PLA2R1: variants seen among roughly 807,000 people sequenced by gnomAD.
The protein encoded by PLA2R1 is secretory phospholipase A2 receptor.
PLA2R1 carries 158 observed loss-of-function variants against 195.9 expected under a neutral mutation model. The observed-to-expected ratio is 0.81, with a 90% CI of 0.71 to 0.92. PLA2R1 has a LOEUF of 0.92. Among genes scored for constraint, PLA2R1 ranks in the 40% least tolerant of loss-of-function variants. PLA2R1 has a pLI of 0.00. For missense variants in PLA2R1, 1,626 were observed against 1,764.6 expected, an observed-to-expected ratio of 0.92 and a Z score of 1.41; for synonymous variants, 586 against 598.2, an observed-to-expected ratio of 0.98 and a Z score of 0.30.
chr2:160,061,302 T>A (rs1695934923), intron 1 of PLA2R1, among the ~76,000 whole-genome samples: 1 of 152,194 alleles, frequency 6.6e-6, no homozygotes, highest in African/African-American at 2.4e-5. Flanking sequence ...TGCGGGCCCC[T>A]GCAGGCCAGA....
intron 9 of PLA2R1, among the ~76,000 whole-genome samples, chr2:160,015,727 G>A (rs974613146): frequency 2.6e-5 from 4 of 152,058 alleles, no homozygotes; most frequent in South Asian, 2.1e-4. Context: ...TGTCAGCTAC[G>A]GCATATCTAC....
chr2:159,953,668 C>T (rs1460367791), intron 23 of PLA2R1, among the ~76,000 whole-genome samples: 2 of 152,168 alleles, frequency 1.3e-5, no homozygotes, highest in East Asian at 3.8e-4. Flanking sequence ...TCTCAATCAC[C>T]ACTATTCTGT....
At chr2:160,001,736 C>T (rs1162831962) in intron 11 of PLA2R1, among the ~76,000 whole-genome samples, 2 of 151,826 alleles carry the variant, frequency 1.3e-5, no homozygotes, top group Non-Finnish European at 2.9e-5. Context: ...TACTACTATA[C>T]CGATTTTGAC....
chr2:160,055,593 C>T (rs1472000775), intron 1 of PLA2R1, among the ~76,000 whole-genome samples: 1 of 152,204 alleles, frequency 6.6e-6, no homozygotes, highest in African/African-American at 2.4e-5. Context: ...CAGCAGGATA[C>T]AGAATGAACC....
the PLA2R1 span, among the ~76,000 whole-genome samples, chr2:159,924,725 G>T: frequency 1.2e-4 from 12 of 96,874 alleles, no homozygotes; most frequent in Non-Finnish European, 2.2e-4. Context: ...TTTACTCTGG[G>T]GGCTGGGGGG....
chr2:159,962,361 G>A (rs191534290), intron 20 of PLA2R1, among the ~76,000 whole-genome samples: 15 of 152,180 alleles, frequency 9.9e-5, no homozygotes, highest in African/African-American at 3.1e-4. Context: ...TTAGAATGGC[G>A]ATCATTAAAA....
intron 20 of PLA2R1, 103 bp downstream of exon 20, chr2:159,967,436 G>T: frequency 1.1e-6 from 1 of 940,598 alleles, no homozygotes; most frequent in Non-Finnish European, 1.6e-6. Flanking sequence ...CAGGTCCTAT[G>T]GACAACTCAC....
At chr2:159,980,037 T>C (rs1689840700) in intron 13 of PLA2R1, 123 bp from the exon 14 acceptor site, 1 of 460,340 alleles carries the variant, frequency 2.2e-6, no homozygotes, top group African/African-American at 2.0e-5. Flanking sequence ...ATTGTGCACA[T>C]GTACCCTAAA....
In PLA2R1 at chr2:159,933,008, T is replaced by C. The variant is rs1170784943; in HGVS notation, c.*8770A>G. Reference sequence around the variant, plus strand: ...GCATAGATCATGATGTCTTTTTTTTTTTTTGAAGAAAAAAGATGGTATTGC... The same window carrying C: ...GCATAGATCATGATGTCTTTTTTTTCTTTTGAAGAAAAAAGATGGTATTGC... On this transcript the variant is annotated 3_prime_UTR_variant, in exon 30 of 30. Transcript: ENST00000283243. 6.6e-6 allele frequency: 1 copy of C among 152,022 alleles called. No individual in the cohort carries two copies. Among genetic ancestry groups the C allele is most frequent in the African/African-American group, 2.4e-5 (1 of 41,430 alleles). 9.4% of individuals were successfully genotyped at this position (152,022 alleles called of 1,614,324 possible). A position where few individuals can be genotyped will look rare whatever the true frequency, so the allele number is the denominator to read the frequency against.
chr2:160,036,896 A>AG (rs200942289), intron 3 of PLA2R1, among the ~76,000 whole-genome samples: 1 of 126,804 alleles, frequency 7.9e-6, no homozygotes, highest in Non-Finnish European at 2.0e-5. Context: ...GAAAAATGGA[A>AG]CGGGGGAGGT....
rs181596703 is a variant in PLA2R1 at position 159,959,501 on chromosome 2, T to C, written c.2905-2874A>G. 2.6e-5 allele frequency among the ~76,000 whole-genome samples: 4 copies of C among 152,316 alleles called. No individual in the cohort carries two copies. The East Asian group carries it at 7.7e-4, about 29-fold the overall frequency. On this transcript the variant is annotated intron_variant, in intron 20 of 29. Transcript: ENST00000283243. ...GAAGTACAGCATCCTTAATTTAAAA[T>C]TGTTTACTTACTAATTTGCAAAATG... is the stretch of plus-strand genomic sequence containing the variant.
At chr2:160,017,508 C>T (rs1011259361) in intron 8 of PLA2R1, among the ~76,000 whole-genome samples, 1 of 152,138 alleles carries the variant, frequency 6.6e-6, no homozygotes, top group Non-Finnish European at 1.5e-5. Context: ...CCATGAAACA[C>T]CCTAGGTAAT....
At chr2:159,953,785 G>A (rs1258681141) in intron 23 of PLA2R1, among the ~76,000 whole-genome samples, 1 of 152,214 alleles carries the variant, frequency 6.6e-6, no homozygotes, top group Non-Finnish European at 1.5e-5. Context: ...TAGTGGAATA[G>A]AATCATTGTG....
At chr2:159,982,884 C>T (rs1409931350) in intron 13 of PLA2R1, among the ~76,000 whole-genome samples, 7 of 152,092 alleles carry the variant, frequency 4.6e-5, no homozygotes, top group Admixed American at 4.6e-4. Context: ...TATACAGAGT[C>T]ATGGAGGTGT....
Position 159,936,436 on chromosome 2 carries a change from T to C in PLA2R1, c.*5342A>G, listed in dbSNP as rs976746083. 2 of 152,182 alleles carry C rather than the reference T, an allele frequency of 1.3e-5. No individual in the cohort carries two copies. Among genetic ancestry groups the C allele is most frequent in the African/African-American group, 2.4e-5 (1 of 41,444 alleles). The allele number at this position is 152,182 out of a possible 1,614,324, so 9.4% of individuals were successfully genotyped here. A position where few individuals can be genotyped will look rare whatever the true frequency, so the allele number is the denominator to read the frequency against. ...ATAGCAAATGGATCTGTTAATGAAA[T>C]GGATATATCATAGATAAAAATTAAT... On this transcript the variant is annotated 3_prime_UTR_variant, in exon 30 of 30. Coordinates refer to ENST00000283243, the MANE Select transcript of PLA2R1 (RefSeq NM_007366.5).
Position 159,944,961 on chromosome 2 carries a change from T to G in PLA2R1, c.4089A>C (p.Leu1363Phe). The G allele has an allele frequency of 1.2e-6, 2 of 1,613,386 alleles. No homozygotes were observed. ...HCVALRIPEG[L>F]WQLSPCQEKK... ...TTTCTTGACACGGGGATAGCTGCCA[T>G]AATCCTTCAGGGATCCTCAAGGCAA... The change falls in exon 28 of 30, where the codon TTA (leucine) becomes TTC (phenylalanine). Residue 1363 changes from leucine to phenylalanine, a missense_variant. Coordinates refer to ENST00000283243, the MANE Select transcript of PLA2R1 (RefSeq NM_007366.5).
At chr2:159,995,092 G>A (rs572144555) in intron 11 of PLA2R1, among the ~76,000 whole-genome samples, 4 of 152,188 alleles carry the variant, frequency 2.6e-5, no homozygotes, top group Non-Finnish European at 5.9e-5. Context: ...CCAAGCTAAT[G>A]GATTCTTTTG....
chr2:159,964,400 G>T (rs112535443), intron 20 of PLA2R1, among the ~76,000 whole-genome samples: 3 of 152,208 alleles, frequency 2.0e-5, no homozygotes, highest in African/African-American at 7.2e-5. Context: ...ACATTATTTA[G>T]GACCATAAAG....
the PLA2R1 span, among the ~76,000 whole-genome samples, chr2:159,926,233 T>A: frequency 6.6e-6 from 1 of 152,202 alleles, no homozygotes; most frequent in Non-Finnish European, 1.5e-5. Flanking sequence ...GTATTATAAA[T>A]CAAATTCAAG....
Sources: gnomAD v4.1 joint callset for allele counts (sites outside exome capture counted in the v4.1 genomes callset) on GRCh38, gnomAD v4.1.1 for gene constraint, MANE v1.5 for transcripts, NCBI Gene and HGNC (gene_info 2026-07-23, HGNC 2026-07-21) for gene names.